Variants in RAB40B observed in about 807,000 individuals in gnomAD.
The protein encoded by RAB40B is ras-related protein Rab-40B.
A neutral mutation model predicts 24.0 loss-of-function variants in RAB40B; 21 were observed. The ratio of observed to expected loss-of-function variants is 0.88; its 90% confidence interval spans 0.62 to 1.26. The LOEUF (loss-of-function observed/expected upper bound fraction) is 1.26. RAB40B is among the 50% of genes most tolerant of loss of function. RAB40B has a pLI of 0.00. For synonymous variants in RAB40B, 167 were observed against 169.8 expected, an observed-to-expected ratio of 0.98 and a Z score of 0.13; for missense variants, 348 against 390.5, an observed-to-expected ratio of 0.89 and a Z score of 0.92.
Position 82,664,552 on chromosome 17 carries a change from G to C in RAB40B, c.147C>G (p.Ile49Met), listed in dbSNP as rs763568945. Reference protein sequence around the residue: ...AESPYGHPAGIDYKTTTILLD... With the variant: ...AESPYGHPAGMDYKTTTILLD... The stretch of plus-strand genomic sequence containing the variant: ...GCAGGATGGTGGTCGTCTTGTAGTC[G>C]ATGCCTGCGGAAGGGTTAGAGACGG... Residue 49 changes from isoleucine to methionine, a missense_variant, in exon 2 of 6, where the codon ATC becomes ATG. Physicochemically the swap from Ile to Met is conservative, Grantham distance 10. Around this residue, in one of 3 missense-constraint regions of RAB40B, gnomAD observed 101 missense variants for 85.5 expected, o/e 1.18. Coordinates refer to ENST00000571995, the MANE Select transcript of RAB40B (RefSeq NM_006822.3). 1 of 1,613,554 alleles carries C rather than the reference G, an allele frequency of 6.2e-7. No homozygotes were observed. Among genetic ancestry groups the C allele is most frequent in the Non-Finnish European group, 8.5e-7 (1 of 1,179,568 alleles).
chr17:82,668,464 C>G (rs1249926274), intron 1 of RAB40B, among the ~76,000 whole-genome samples: 1 of 152,276 alleles, frequency 6.6e-6, no homozygotes, highest in Admixed American at 6.5e-5. Context: ...CTTGTTCATG[C>G]CAAGGGGCGC....
chr17:82,669,245 C>T (rs984619952), intron 1 of RAB40B, among the ~76,000 whole-genome samples: 17 of 151,934 alleles, frequency 1.1e-4, no homozygotes, highest in South Asian at 2.1e-4. Flanking sequence ...GGAGGCCGAG[C>T]GGGGTGGATC....
intron 1 of RAB40B, among the ~76,000 whole-genome samples, chr17:82,684,136 G>T (rs149575647): frequency 6.7e-6 from 1 of 149,406 alleles, no homozygotes; most frequent in Non-Finnish European, 1.5e-5. Flanking sequence ...CAGGAGAATC[G>T]CTTGAACCCG....
chr17:82,696,600 G>C (rs1398189404), intron 1 of RAB40B: 1 of 153,180 alleles, frequency 6.5e-6, no homozygotes, highest in African/African-American at 2.6e-5. Flanking sequence ...TCCTCCAGGC[G>C]CTCAATCTCC....
At position 82,678,879 on chromosome 17, in the gene RAB40B, G is replaced by GTTTTT. The variant is rs35848277; in HGVS notation, c.143-14328_143-14324dup. Among the ~76,000 whole-genome samples, 279 of 99,146 alleles carry GTTTTT rather than the reference G, an allele frequency of 2.8e-3. 12 individuals are homozygous for GTTTTT. The highest frequency in any genetic ancestry group is 8.6e-3 in the African/African-American group (221 of 25,616). 65.0% of individuals were successfully genotyped at this position (99,146 alleles called of 152,430 possible). On this transcript the variant is annotated intron_variant, in intron 1 of 5. Transcript: ENST00000571995. ...TTTGTGAAAGCAGCTCCCTTTCTGC[G>GTTTTT]TTTTTTTTTTTTTTTTTTTTTGAGA...
intron 1 of RAB40B, among the ~76,000 whole-genome samples, chr17:82,666,725 G>T (rs1598299948): frequency 6.6e-6 from 1 of 152,134 alleles, no homozygotes; most frequent in Non-Finnish European, 1.5e-5. Flanking sequence ...AGAATGCCGG[G>T]TAGGAGCACT....
At chr17:82,688,945 A>T (rs947558591) in intron 1 of RAB40B, among the ~76,000 whole-genome samples, 1 of 152,230 alleles carries the variant, frequency 6.6e-6, no homozygotes, top group African/African-American at 2.4e-5. Flanking sequence ...AAAAAAATTT[A>T]AAAATTGTTT....
At chr17:82,669,811 G>T (rs1171289324) in intron 1 of RAB40B, among the ~76,000 whole-genome samples, 1 of 152,178 alleles carries the variant, frequency 6.6e-6, no homozygotes, top group Non-Finnish European at 1.5e-5. Context: ...CTAAGCTCTC[G>T]GGAAGGCACC....
At chr17:82,671,319 A>ACACACTCACACGCTCCCTGTACT (rs2046329958) in intron 1 of RAB40B, among the ~76,000 whole-genome samples, 1 of 150,900 alleles carries the variant, frequency 6.6e-6, no homozygotes. Context: ...ACTCTAACAC[A>ACACACTCACACGCTCCCTGTACT]CTCACACGCT....
intron 1 of RAB40B, among the ~76,000 whole-genome samples, chr17:82,672,181 C>A: frequency 1.7e-5 from 1 of 58,916 alleles, no homozygotes; most frequent in Non-Finnish European, 3.3e-5. Context: ...AACACACACT[C>A]ACATGCTCCC....
At chr17:82,661,265 G>T in intron 2 of RAB40B, 1 of 1,322,700 alleles carries the variant, frequency 7.6e-7, no homozygotes, top group Non-Finnish European at 9.6e-7. Context: ...CATTTAAAAA[G>T]TCAAACTAGA....
intron 1 of RAB40B, among the ~76,000 whole-genome samples, chr17:82,689,593 A>G (rs993016557): frequency 4.6e-5 from 7 of 152,236 alleles, no homozygotes; most frequent in Non-Finnish European, 7.3e-5. Context: ...ATACAATGCA[A>G]TGGTGTTATT....
Position 82,658,623 on chromosome 17 carries a change from C to A in RAB40B, c.433G>T (p.Ala145Ser). 6.2e-7 allele frequency: 1 copy of A among 1,613,270 alleles called. No individual in the cohort carries two copies. The highest frequency in any genetic ancestry group is 1.1e-5 in the South Asian group (1 of 91,084). The part of the protein sequence containing the change: ...QVPTEQAQAY[A>S]ERLGVTFFEV... Reference sequence around the variant, plus strand: ...AAGAAGGTCACGCCCAGGCGCTCGGCGTAGGCCTGGGCCTGCTCCGTGGGC... The same window carrying A: ...AAGAAGGTCACGCCCAGGCGCTCGGAGTAGGCCTGGGCCTGCTCCGTGGGC... The change falls in exon 5 of 6, where the codon GCC becomes TCC. Residue 145 changes from alanine to serine, a missense_variant. Ala to Ser is a moderately conservative substitution (Grantham distance 99). Coordinates refer to ENST00000571995, the MANE Select transcript of RAB40B (RefSeq NM_006822.3).
chr17:82,658,820 AC>A, intron 4 of RAB40B, 107 bp from the exon 5 acceptor site: 2 of 985,756 alleles, frequency 2.0e-6, no homozygotes, highest in South Asian at 1.7e-5. Flanking sequence ...GTTCATGTCC[AC>A]CCAGAACCTC....
At chr17:82,688,150 G>C (rs1356270880) in intron 1 of RAB40B, among the ~76,000 whole-genome samples, 2 of 152,004 alleles carry the variant, frequency 1.3e-5, no homozygotes, top group Admixed American at 1.3e-4. Flanking sequence ...CTGCCAGCCG[G>C]GGCCCAAAAC....
At chr17:82,695,492 C>T (rs1434187086) in intron 1 of RAB40B, among the ~76,000 whole-genome samples, 3 of 150,836 alleles carry the variant, frequency 2.0e-5, no homozygotes, top group African/African-American at 7.4e-5. Context: ...GCCCGGCTGC[C>T]CTCACCTTTC....
intron 1 of RAB40B, among the ~76,000 whole-genome samples, chr17:82,676,813 A>G (rs2143516419): frequency 6.6e-6 from 1 of 152,060 alleles, no homozygotes; most frequent in African/African-American, 2.4e-5. Context: ...TTTAGTACAG[A>G]TGAGAGTTCA....
In RAB40B at chr17:82,682,307, C is replaced by T. The variant is rs143790245; in HGVS notation, c.142+16148G>A. On this transcript the variant is annotated intron_variant, in intron 1 of 5. Transcript: ENST00000571995. ...AATCAGAAATTGAAATTAAATAGCA[C>T]TAGGTACAGTAGCCCCCAAACCATG... Among the ~76,000 whole-genome samples, 469 of 152,080 alleles carry T rather than the reference C, an allele frequency of 3.1e-3. 1 individual carries two copies. The highest frequency in any genetic ancestry group is 9.6e-3 in the African/African-American group (397 of 41,488).
At chr17:82,683,610 G>A (rs868114170) in intron 1 of RAB40B, among the ~76,000 whole-genome samples, 26 of 151,996 alleles carry the variant, frequency 1.7e-4, no homozygotes, top group Middle Eastern at 6.8e-3. Flanking sequence ...AGGGCAGTCT[G>A]GACAATATAG....
Sources: allele counts gnomAD v4.1 joint callset (sites outside exome capture counted in the v4.1 genomes callset), GRCh38; gene constraint gnomAD v4.1.1; regional missense constraint gnomAD v4.1.1; transcripts MANE v1.5; gene names NCBI Gene and HGNC (gene_info 2026-07-23, HGNC 2026-07-21).